Variants in GALNT8 observed in about 807,000 individuals in gnomAD.
GALNT8 encodes the protein probable polypeptide N-acetylgalactosaminyltransferase 8.
In GALNT8, 66 loss-of-function variants were observed where a neutral mutation model predicts 62.7. The ratio of observed to expected loss-of-function variants is 1.05; its 90% CI spans 0.86 to 1.29. GALNT8 has a LOEUF of 1.29. GALNT8 is among the 50% of genes most tolerant of loss of function. GALNT8 has a pLI of 0.00. For missense variants in GALNT8, 771 were observed against 791.8 expected, an observed-to-expected ratio of 0.97 and a Z score of 0.32; for synonymous variants, 288 against 294.3, an observed-to-expected ratio of 0.98 and a Z score of 0.22.
intron 2 of GALNT8, among the ~76,000 whole-genome samples, chr12:4,738,875 G>C (rs61907120): frequency 1.3e-5 from 2 of 152,130 alleles, no homozygotes; most frequent in Non-Finnish European, 2.9e-5. Flanking sequence ...AACTAATCCG[G>C]GTGTAGAAGA....
intron 10 of GALNT8, among the ~76,000 whole-genome samples, chr12:4,769,583 T>G (rs1011217487): frequency 6.6e-6 from 1 of 152,120 alleles, no homozygotes; most frequent in Admixed American, 6.5e-5. Context: ...GAAATCTATT[T>G]CAAAAAATTA....
At chr12:4,764,127 C>T in intron 9 of GALNT8, 80 bp downstream of exon 9, 1 of 818,840 alleles carries the variant, frequency 1.2e-6, no homozygotes, top group Non-Finnish European at 2.2e-6. Context: ...TGGGTCTGGA[C>T]TCCGTGATAC....
intron 6 of GALNT8, among the ~76,000 whole-genome samples, chr12:4,747,344 G>A (rs751729130): frequency 6.6e-6 from 1 of 151,912 alleles, no homozygotes; most frequent in Non-Finnish European, 1.5e-5. Context: ...TATTATTTTT[G>A]TACCCATTAA....
intron 7 of GALNT8, 38 bp from the exon 8 acceptor site, chr12:4,763,215 G>T: frequency 6.3e-7 from 1 of 1,580,376 alleles, no homozygotes. Context: ...GAGCTTTCAT[G>T]AATCAAAGCA....
intron 2 of GALNT8, among the ~76,000 whole-genome samples, chr12:4,731,785 A>G (rs1946223088): frequency 1.3e-5 from 2 of 152,206 alleles, no homozygotes; most frequent in Admixed American, 6.5e-5. Flanking sequence ...TTTATTACAT[A>G]TAGAGATTTG....
At chr12:4,734,371 C>T (rs183527248) in intron 2 of GALNT8, among the ~76,000 whole-genome samples, 8 of 152,258 alleles carry the variant, frequency 5.3e-5, no homozygotes, top group East Asian at 1.9e-4. Context: ...TCTCAGACCC[C>T]GCTCAGACCT....
In GALNT8 at chr12:4,726,912, G is replaced by A. The variant is rs559672152; in HGVS notation, c.509+83G>A. The A allele has an allele frequency of 5.1e-6, 6 of 1,180,846 alleles. No homozygotes were observed. Among genetic ancestry groups the A allele is most frequent in the Non-Finnish European group, 7.2e-6 (6 of 831,982 alleles). 73.1% of individuals were successfully genotyped at this position (1,180,846 alleles called of 1,614,324 possible). A position where few individuals can be genotyped will look rare whatever the true frequency, so the allele number is the denominator to read the frequency against. ...TGGGAGCAGTGAACATTGAAGGCTGGGGGAGTGGGGGATTGTTGGGGAAGG... is the reference window on the plus strand; with the variant it reads ...TGGGAGCAGTGAACATTGAAGGCTGAGGGAGTGGGGGATTGTTGGGGAAGG... On this transcript the variant is annotated intron_variant, in intron 2 of 10. Coordinates refer to ENST00000252318, the MANE Select transcript of GALNT8 (RefSeq NM_017417.2). This position sits in a 1 kb window ranked among gnomAD's most constrained non-coding sequence, Gnocchi z 4.1.
At chr12:4,727,282 T>C (rs1252679317) in intron 2 of GALNT8, among the ~76,000 whole-genome samples, 2 of 151,398 alleles carry the variant, frequency 1.3e-5, no homozygotes, top group Non-Finnish European at 2.9e-5. Flanking sequence ...TCTGTTTCCC[T>C]TTGCTATTGT....
chr12:4,728,596 C>T (rs1946206754), intron 2 of GALNT8, among the ~76,000 whole-genome samples: 1 of 152,108 alleles, frequency 6.6e-6, no homozygotes, highest in Admixed American at 6.5e-5. Flanking sequence ...AGTTATCCTA[C>T]TACCTTGGTT....
At chr12:4,747,540 A>C (rs1946305361) in intron 6 of GALNT8, among the ~76,000 whole-genome samples, 1 of 152,184 alleles carries the variant, frequency 6.6e-6, no homozygotes. Context: ...TGTTGTTGCA[A>C]GTGACGGCCT....
In GALNT8 at chr12:4,726,591, G is replaced by T. The variant is rs1946196446; in HGVS notation, c.271G>T (p.Ala91Ser). 6.2e-7 allele frequency: 1 copy of T among 1,613,628 alleles called. No individual in the cohort carries two copies. The highest frequency in any genetic ancestry group is 8.5e-7 in the Non-Finnish European group (1 of 1,179,576). ...QENVNSTLKRAKDEVRPLLKA... is the reference protein window; with the variant it reads ...QENVNSTLKRSKDEVRPLLKA... The stretch of plus-strand genomic sequence containing the variant: ...AAATGTGAACAGCACACTGAAGAGG[G>T]CGAAAGATGAAGTACGCCCTCTTCT... The change falls in exon 2 of 11, where the codon GCG becomes TCG. Residue 91 changes from alanine to serine, a missense_variant. Ala to Ser is a moderately conservative substitution (Grantham distance 99, BLOSUM62 1). Transcript: ENST00000252318. The surrounding 1 kb of genome is among the most constrained non-coding windows in gnomAD (Gnocchi z 4.1).
In GALNT8 at chr12:4,769,141, C is replaced by T. The variant is rs374667765; in HGVS notation, c.1762-3304C>T. Among the ~76,000 whole-genome samples, 113 of 152,236 alleles carry T rather than the reference C, an allele frequency of 7.4e-4. No homozygotes were observed. The South Asian group carries it at 0.013, about 18-fold the overall frequency. ...GCATTTGGAGAAGGTCATCCATCTTCGGGGTGAAGCAACAGCTCACAATAC... is the reference window on the plus strand; with the variant it reads ...GCATTTGGAGAAGGTCATCCATCTTTGGGGTGAAGCAACAGCTCACAATAC... On this transcript the variant is annotated intron_variant, in intron 10 of 10. Transcript: ENST00000252318.
At chr12:4,758,647 A>T (rs1295824337) in intron 6 of GALNT8, among the ~76,000 whole-genome samples, 8 of 142,972 alleles carry the variant, frequency 5.6e-5, no homozygotes, top group African/African-American at 1.8e-4. Context: ...TGAGAGAGAG[A>T]GAGAGAGAGA....
At chr12:4,739,714 G>C (rs1013535394) in intron 3 of GALNT8, among the ~76,000 whole-genome samples, 1 of 149,400 alleles carries the variant, frequency 6.7e-6, no homozygotes, top group African/African-American at 2.5e-5. Context: ...ACTCAGGCTA[G>C]AGTGCAGTGG....
chr12:4,763,629 C>A (rs1424804505), intron 8 of GALNT8, among the ~76,000 whole-genome samples: 1 of 151,954 alleles, frequency 6.6e-6, no homozygotes, highest in Admixed American at 6.6e-5. Flanking sequence ...GGACTCCCCC[C>A]CGCCCCGCCC....
rs184896542 is a variant in GALNT8 at position 4,756,457 on chromosome 12, C to T, written c.1174-4501C>T. 1.6e-3 allele frequency among the ~76,000 whole-genome samples: 244 copies of T among 152,256 alleles called. 3 individuals carry two copies. Among genetic ancestry groups the T allele is most frequent in the African/African-American group, 5.6e-3 (233 of 41,556 alleles). ...TGGTTTACACTCAATAAATGTTTAA[C>T]GGTAAAAATGACAATAATAAGAATG... On this transcript the variant is annotated intron_variant, in intron 6 of 10. Coordinates refer to ENST00000252318, the MANE Select transcript of GALNT8 (RefSeq NM_017417.2).
rs1179147145 is a variant in GALNT8, at chr12:4,726,258, A to C, written c.212-274A>C. Among the ~76,000 whole-genome samples the C allele has an allele frequency of 6.6e-6, 1 of 152,136 alleles. No homozygotes were observed. Among genetic ancestry groups the C allele is most frequent in the Non-Finnish European group, 1.5e-5 (1 of 68,032 alleles). On this transcript the variant is annotated intron_variant, in intron 1 of 10. Coordinates refer to ENST00000252318, the MANE Select transcript of GALNT8 (RefSeq NM_017417.2). This position sits in a 1 kb window ranked among gnomAD's most constrained non-coding sequence, Gnocchi z 4.1. ...AGCTTATTTTCCATCTGTTTCTCAGATCATAGTCAGTTCTTCGAGGAGCTT... is the reference window on the plus strand; with the variant it reads ...AGCTTATTTTCCATCTGTTTCTCAGCTCATAGTCAGTTCTTCGAGGAGCTT...
chr12:4,760,535 G>A (rs1024670402), intron 6 of GALNT8, among the ~76,000 whole-genome samples: 1 of 152,192 alleles, frequency 6.6e-6, no homozygotes, highest in African/African-American at 2.4e-5. Context: ...CCAGGAGGAG[G>A]GATCATGGGG....
intron 6 of GALNT8, 101 bp from the exon 7 acceptor site, chr12:4,760,857 C>A: frequency 1.1e-6 from 1 of 941,440 alleles, no homozygotes; most frequent in South Asian, 1.6e-5. Context: ...ACTGAGCTTA[C>A]ATTCTTTAAA....
Sources: allele counts gnomAD v4.1 joint callset (sites outside exome capture counted in the v4.1 genomes callset), GRCh38; gene constraint gnomAD v4.1.1; non-coding constraint Gnocchi (gnomAD v3.1); transcripts MANE v1.5; gene names NCBI Gene and HGNC (gene_info 2026-07-23, HGNC 2026-07-21).